Variants in CD82 observed in about 807,000 individuals in gnomAD.
The protein encoded by CD82 is CD82 molecule.
In CD82, 36 loss-of-function variants were observed where a neutral mutation model predicts 37.4. The observed-to-expected ratio is 0.96, with a 90% CI of 0.74 to 1.27. The LOEUF (loss-of-function observed/expected upper bound fraction) is 1.27, where lower values mean the gene tolerates loss of function less well. Ranked by LOEUF, CD82 falls within the 50% of genes most tolerant of loss-of-function variation. The probability of loss-of-function intolerance (pLI) is 0.00; values close to 1 mark genes in which losing one functional copy is unlikely to be tolerated. For synonymous variants in CD82, 158 were observed against 137.4 expected (o/e 1.15, Z -1.05); for missense variants, 340 against 347.0 (o/e 0.98, Z 0.16).
chr11:44,566,040 G>C (rs536797790), intron 1 of CD82: 1 of 151,842 alleles, frequency 6.6e-6, no homozygotes, highest in African/African-American at 2.4e-5. Context: ...CACTTAAAAC[G>C]CCGGAAGGTG....
At chr11:44,604,747 A>C (rs1230767573) in intron 4 of CD82, 1 of 393,590 alleles carries the variant, frequency 2.5e-6, no homozygotes, top group Non-Finnish European at 4.8e-6. Flanking sequence ...GGAGGGGGAG[A>C]GCAGACAATG....
At chr11:44,568,512 T>G in intron 1 of CD82, among the ~76,000 whole-genome samples, 1 of 120,974 alleles carries the variant, frequency 8.3e-6, no homozygotes, top group Admixed American at 8.4e-5. Flanking sequence ...CAGCAGTAAG[T>G]TTGGGGGTCG....
chr11:44,614,321 C>T (rs1853530062), intron 6 of CD82, among the ~76,000 whole-genome samples: 1 of 152,228 alleles, frequency 6.6e-6, no homozygotes, highest in South Asian at 2.1e-4. Context: ...GGAAACTGAG[C>T]TGGGCTTTCC....
At chr11:44,600,335 T>G (rs372427368) in intron 4 of CD82, 105 bp downstream of exon 4, 59 of 1,061,258 alleles carry the variant, frequency 5.6e-5, no homozygotes, top group East Asian at 4.9e-4. Flanking sequence ...TGCCTGTTGC[T>G]TTTCCCGCTG....
At chr11:44,591,592 C>T (rs1853146078) in intron 2 of CD82, among the ~76,000 whole-genome samples, 2 of 152,178 alleles carry the variant, frequency 1.3e-5, no homozygotes, top group Admixed American at 1.3e-4. Flanking sequence ...GGAGGGACCA[C>T]TTCACAGAAG....
Position 44,619,199 on chromosome 11 carries a change from TC to T in CD82, c.*75del. The T allele has an allele frequency of 8.3e-7, 1 of 1,207,604 alleles. No individual in the cohort carries two copies. Among genetic ancestry groups the T allele is most frequent in the Non-Finnish European group, 1.2e-6 (1 of 810,040 alleles). 74.8% of individuals were successfully genotyped at this position (1,207,604 alleles called of 1,614,324 possible). On this transcript the variant is annotated 3_prime_UTR_variant, in exon 10 of 10. Coordinates refer to ENST00000227155, the MANE Select transcript of CD82 (RefSeq NM_002231.4). ...CCCAGGGGTCTCCCTGGCTCCCTCCTCCAGGCCTGCCTCCCACTTCACTGCG... is the reference window on the plus strand; with the variant it reads ...CCCAGGGGTCTCCCTGGCTCCCTCCTCAGGCCTGCCTCCCACTTCACTGCG...
chr11:44,609,874 ATC>A (rs1486815084), intron 6 of CD82, among the ~76,000 whole-genome samples: 1 of 152,122 alleles, frequency 6.6e-6, no homozygotes, highest in Non-Finnish European at 1.5e-5. Flanking sequence ...TTGGGCTAGA[ATC>A]TCTGAAGCAC....
At chr11:44,590,242 G>C (rs1338371076) in intron 2 of CD82, among the ~76,000 whole-genome samples, 1 of 152,016 alleles carries the variant, frequency 6.6e-6, no homozygotes, top group Non-Finnish European at 1.5e-5. Flanking sequence ...GCATGGCTGT[G>C]TGCAGAAATT....
chr11:44,588,764 TG>T (rs1853097882), intron 2 of CD82, among the ~76,000 whole-genome samples: 1 of 152,114 alleles, frequency 6.6e-6, no homozygotes, highest in African/African-American at 2.4e-5. Flanking sequence ...GTGGTAGTGA[TG>T]AAAAAGCTGG....
chr11:44,583,674 C>G (rs866548209), intron 1 of CD82, among the ~76,000 whole-genome samples: 6 of 152,230 alleles, frequency 3.9e-5, no homozygotes, highest in Admixed American at 6.5e-5. Flanking sequence ...AGCTTAGCCA[C>G]TTGTGTGGCC....
At chr11:44,581,543 A>G (rs1237411439) in intron 1 of CD82, among the ~76,000 whole-genome samples, 1 of 152,192 alleles carries the variant, frequency 6.6e-6, no homozygotes, top group East Asian at 1.9e-4. Flanking sequence ...GCTGCTTTGT[A>G]TAATTGCTCA....
Position 44,568,034 on chromosome 11 carries a change from G to A in CD82, c.-103+2298G>A, listed in dbSNP as rs543071702. Among the ~76,000 whole-genome samples, 8 of 152,336 alleles carry A rather than the reference G, an allele frequency of 5.3e-5. No individual in the cohort carries two copies. The East Asian group carries it at 1.5e-3, about 29-fold the overall frequency. ...GGAATAGTAGGTGGGATCAGCTTACGGAGGGCCTTGAATGACAGGATAAGA... is the reference window on the plus strand; with the variant it reads ...GGAATAGTAGGTGGGATCAGCTTACAGAGGGCCTTGAATGACAGGATAAGA... On this transcript the variant is annotated intron_variant, in intron 1 of 9. Transcript: ENST00000227155.
rs564976001 is a variant in CD82 at position 44,592,602 on chromosome 11, G to C, written c.-20-2041G>C. ...TCAGGCTCTGTGCTGGGAGGTGAGA[G>C]AGAGGAAAAACAATAGCTATCCTTG... On this transcript the variant is annotated intron_variant, in intron 2 of 9. Transcript: ENST00000227155. Among the ~76,000 whole-genome samples the C allele has an allele frequency of 8.5e-5, 13 of 152,346 alleles. No homozygotes were observed. In the South Asian group the frequency reaches 1.7e-3, roughly 19 times the overall value.
rs1853239825 is a variant in CD82 at position 44,597,105 on chromosome 11, G to A, written c.63+2380G>A. 1 of 444,800 alleles carries A rather than the reference G, an allele frequency of 2.2e-6. No individual in the cohort carries two copies. Among genetic ancestry groups the A allele is most frequent in the Non-Finnish European group, 4.5e-6 (1 of 221,110 alleles). The allele number at this position is 444,800 out of a possible 1,614,324, so 27.6% of individuals were successfully genotyped here. ...CCTGCCTCTTTGTTTTATGCACATTGGGAGGGGTTTCGTGGTTGGATTTGT... is the reference window on the plus strand; with the variant it reads ...CCTGCCTCTTTGTTTTATGCACATTAGGAGGGGTTTCGTGGTTGGATTTGT... On this transcript the variant is annotated intron_variant, in intron 3 of 9. Coordinates refer to ENST00000227155, the MANE Select transcript of CD82 (RefSeq NM_002231.4). The surrounding 1 kb of genome is among the most constrained non-coding windows in gnomAD (Gnocchi z 4.1).
intron 9 of CD82, 135 bp from the exon 10 acceptor site, chr11:44,618,914 C>A: frequency 2.3e-6 from 2 of 870,626 alleles, no homozygotes; most frequent in Non-Finnish European, 3.7e-6. Flanking sequence ...CCTCCCTCTG[C>A]TGCCTGCATC....
At chr11:44,576,780 C>T (rs1006950799) in intron 1 of CD82, among the ~76,000 whole-genome samples, 2 of 152,198 alleles carry the variant, frequency 1.3e-5, no homozygotes, top group African/African-American at 4.8e-5. Context: ...TTCTCCGTCC[C>T]TCAAGCCTTC....
intron 1 of CD82, among the ~76,000 whole-genome samples, chr11:44,586,472 G>T (rs558648478): frequency 2.6e-4 from 40 of 152,296 alleles, no homozygotes; most frequent in African/African-American, 9.1e-4. Flanking sequence ...AGACAAGTCT[G>T]GGCAATAAAG....
chr11:44,618,242 C>A lies in CD82; in HGVS notation c.519C>A (p.Pro173=). 6.2e-7 allele frequency: 1 copy of A among 1,614,138 alleles called. No individual in the cohort carries two copies. Among genetic ancestry groups the A allele is most frequent in the Non-Finnish European group, 8.5e-7 (1 of 1,180,046 alleles). The change falls in exon 8 of 10, where the codon CCC becomes CCA. Residue 173 remains proline (P), a synonymous_variant. Transcript: ENST00000227155. The part of the protein sequence containing the change: ...ELMNRPEVTY[P]CSCEVKGEED... ...TGAATCGCCCTGAGGTCACCTACCC[C>A]TGTTCCTGCGAAGTCAAGGGGGAAG...
chr11:44,615,132 G>A (rs757948944), intron 6 of CD82, 140 bp from the exon 7 acceptor site: 2 of 646,750 alleles, frequency 3.1e-6, no homozygotes, highest in Non-Finnish European at 2.9e-6. Context: ...CACCCTGGGA[G>A]CGCCAGGAAA....
Sources: allele counts gnomAD v4.1 joint callset (sites outside exome capture counted in the v4.1 genomes callset), GRCh38; gene constraint gnomAD v4.1.1; non-coding constraint Gnocchi (gnomAD v3.1); transcripts MANE v1.5; gene names NCBI Gene and HGNC (gene_info 2026-07-23, HGNC 2026-07-21).